Variants in EAPP observed in about 807,000 individuals in gnomAD.
The protein encoded by EAPP is E2F-associated phosphoprotein.
A neutral mutation model predicts 34.3 loss-of-function variants in EAPP; 38 were observed. That is an observed-to-expected ratio of 1.11 (90% CI 0.85 to 1.45). The LOEUF is 1.45. EAPP is among the 40% of genes most tolerant of loss of function. The probability of loss-of-function intolerance (pLI) is 0.00; values close to 1 mark genes in which losing one functional copy is unlikely to be tolerated. For synonymous variants in EAPP, 113 were observed against 117.6 expected, an observed-to-expected ratio of 0.96 and a Z score of 0.25; for missense variants, 338 against 343.7, an observed-to-expected ratio of 0.98 and a Z score of 0.13.
intron 3 of EAPP, among the ~76,000 whole-genome samples, chr14:34,530,904 CAAAAAAAAAAAA>C (rs780101001): frequency 3.6e-5 from 2 of 55,190 alleles, no homozygotes; most frequent in Non-Finnish European, 6.4e-5. Flanking sequence ...CAATCTTTAC[CAAAAAAAAAAAA>C]AAAAAAAAAA....
intron 3 of EAPP, 81 bp from the exon 4 acceptor site, chr14:34,529,556 A>G (rs1880212259): frequency 1.9e-6 from 2 of 1,041,462 alleles, no homozygotes; most frequent in East Asian, 4.8e-5. Context: ...TCATTTCCCA[A>G]GCTACACATT....
intron 3 of EAPP, among the ~76,000 whole-genome samples, chr14:34,532,551 G>C (rs953728083): frequency 6.6e-6 from 1 of 152,108 alleles, no homozygotes; most frequent in African/African-American, 2.4e-5. Flanking sequence ...AAACCTAAAG[G>C]AAGAGGGGGG....
rs778340198 is a variant in EAPP, at chr14:34,536,233, G to A, written c.117C>T (p.Asp39=). ...EVDVLLHGTP[D]QKRKLIRECL... Reference sequence around the variant, plus strand: ...ATTCTCTGATGAGTTTTCGTTTTTGGTCAGGAGTTCCATGTAAAAGCACAT... The same window carrying A: ...ATTCTCTGATGAGTTTTCGTTTTTGATCAGGAGTTCCATGTAAAAGCACAT... The change falls in exon 2 of 6, where the codon GAC becomes GAT. Residue 39 remains aspartate, a synonymous_variant. Transcript: ENST00000250454. 5.8e-5 allele frequency: 94 copies of A among 1,611,530 alleles called. No homozygotes were observed. Among genetic ancestry groups the A allele is most frequent in the Non-Finnish European group, 7.2e-5 (85 of 1,179,266 alleles).
chr14:34,529,093 G>A (rs1164381533), intron 4 of EAPP, among the ~76,000 whole-genome samples: 1 of 151,970 alleles, frequency 6.6e-6, no homozygotes, highest in Non-Finnish European at 1.5e-5. Context: ...CCAAGATCGC[G>A]CCACTGCACT....
At chr14:34,518,389 C>T (rs1594655611) in intron 5 of EAPP, among the ~76,000 whole-genome samples, 1 of 123,970 alleles carries the variant, frequency 8.1e-6, no homozygotes. Flanking sequence ...GGCTGCAGTG[C>T]AATAGCACGA....
intron 5 of EAPP, among the ~76,000 whole-genome samples, chr14:34,516,839 G>C (rs895420995): frequency 6.6e-6 from 1 of 152,080 alleles, no homozygotes; most frequent in Non-Finnish European, 1.5e-5. Context: ...TGGTAGCTGG[G>C]ATTACAGGCA....
At position 34,516,192 on chromosome 14, in the gene EAPP, T is replaced by C; in HGVS notation, c.*118A>G. On this transcript the variant is annotated 3_prime_UTR_variant, in exon 6 of 6. Transcript: ENST00000250454. Reference sequence around the variant, plus strand: ...ATGAAGGTTGACAACTATTCTCCTTTAAAAAGAGAAACACTGCTTCCTCAA... The same window carrying C: ...ATGAAGGTTGACAACTATTCTCCTTCAAAAAGAGAAACACTGCTTCCTCAA... 1 of 1,013,774 alleles carries C rather than the reference T, an allele frequency of 9.9e-7. No homozygotes were observed. The highest frequency in any genetic ancestry group is 1.4e-6 in the Non-Finnish European group (1 of 703,888). The allele number at this position is 1,013,774 out of a possible 1,614,324, so 62.8% of individuals were successfully genotyped here.
At chr14:34,518,376 C>T (rs1879807956) in intron 5 of EAPP, among the ~76,000 whole-genome samples, 1 of 133,920 alleles carries the variant, frequency 7.5e-6, no homozygotes, top group Admixed American at 8.2e-5. Context: ...ACTCTGTCAC[C>T]CAGGCTGCAG....
At chr14:34,522,049 C>G (rs183687910) in intron 5 of EAPP, among the ~76,000 whole-genome samples, 1 of 152,136 alleles carries the variant, frequency 6.6e-6, no homozygotes, top group South Asian at 2.1e-4. Flanking sequence ...GCCTCGACTT[C>G]CAGGGCTCAA....
At chr14:34,527,535 G>C (rs1001097995) in intron 4 of EAPP, among the ~76,000 whole-genome samples, 3 of 152,078 alleles carry the variant, frequency 2.0e-5, no homozygotes, top group Non-Finnish European at 4.4e-5. Flanking sequence ...GGGGGCAGAG[G>C]GTGTGGAAAC....
rs1879723186 is a variant in EAPP, at chr14:34,516,434, T to A, written c.734A>T (p.Lys245Met). 6.2e-7 allele frequency: 1 copy of A among 1,614,222 alleles called. No individual in the cohort carries two copies. The highest frequency in any genetic ancestry group is 8.5e-7 in the Non-Finnish European group (1 of 1,180,038). The part of the protein sequence containing the change: ...MRSNREDAAE[K>M]AETDVEEIYH... Reference sequence around the variant, plus strand: ...GATTTCTTCCACATCTGTCTCTGCCTTCTCGGCAGCATCTTCCCGGTTAGA... The same window carrying A: ...GATTTCTTCCACATCTGTCTCTGCCATCTCGGCAGCATCTTCCCGGTTAGA... Residue 245 changes from lysine to methionine, a missense_variant, in exon 6 of 6, where the codon AAG becomes ATG. Coordinates refer to ENST00000250454, the MANE Select transcript of EAPP (RefSeq NM_018453.4).
intron 5 of EAPP, among the ~76,000 whole-genome samples, chr14:34,522,214 C>T (rs915957305): frequency 5.3e-5 from 8 of 151,798 alleles, no homozygotes; most frequent in Non-Finnish European, 1.2e-4. Flanking sequence ...CCCAGCTTGG[C>T]CTCCCAAAGT....
At chr14:34,529,254 T>C in intron 4 of EAPP, 104 bp downstream of exon 4, 1 of 831,178 alleles carries the variant, frequency 1.2e-6, no homozygotes, top group Non-Finnish European at 1.9e-6. Flanking sequence ...TGTGTGTGTG[T>C]GTTTGTGTAA....
intron 3 of EAPP, among the ~76,000 whole-genome samples, chr14:34,530,151 G>T (rs1880235196): frequency 6.6e-6 from 1 of 151,364 alleles, no homozygotes; most frequent in South Asian, 2.1e-4. Flanking sequence ...GGTGAGCCGA[G>T]ATCACGCCAT....
intron 5 of EAPP, among the ~76,000 whole-genome samples, chr14:34,522,678 C>A (rs1879957102): frequency 6.6e-6 from 1 of 152,154 alleles, no homozygotes; most frequent in Admixed American, 6.6e-5. Context: ...GCACTTTAAG[C>A]CTCAGTTCTA....
At chr14:34,526,099 T>TC (rs1594662779) in intron 4 of EAPP, among the ~76,000 whole-genome samples, 1 of 151,348 alleles carries the variant, frequency 6.6e-6, no homozygotes. Context: ...AAAATAAAAG[T>TC]CCATGAATTT....
intron 2 of EAPP, among the ~76,000 whole-genome samples, 172 bp from the exon 3 acceptor site, chr14:34,533,711 T>A (rs1261770755): frequency 6.6e-6 from 1 of 152,200 alleles, no homozygotes; most frequent in African/African-American, 2.4e-5. Context: ...CCTATACAGT[T>A]ACAGAGAACT....
At chr14:34,517,411 G>C (rs1216386525) in intron 5 of EAPP, among the ~76,000 whole-genome samples, 1 of 151,666 alleles carries the variant, frequency 6.6e-6, no homozygotes, top group East Asian at 1.9e-4. Context: ...ACCACACCTG[G>C]CTAATTTTGT....
rs759086560 is a variant in EAPP at position 34,529,437 on chromosome 14, TC to T, written c.390del (p.Ile131PhefsTer49). 6.2e-7 allele frequency: 1 copy of T among 1,613,274 alleles called. No individual in the cohort carries two copies. The highest frequency in any genetic ancestry group is 1.1e-5 in the South Asian group (1 of 91,056). On this transcript the variant is annotated frameshift_variant, in exon 4 of 6. Coordinates refer to ENST00000250454, the MANE Select transcript of EAPP (RefSeq NM_018453.4). LOFTEE classifies it high-confidence loss of function. ...TACAGTAATTCGTCATTTGTTGGAA[TC>T]TTGTGTTGTTTCTTCTTTTTTTTCT... ...VTKKKKKKQH[K>X]IPTNDELLYD...
Sources: allele counts gnomAD v4.1 joint callset (sites outside exome capture counted in the v4.1 genomes callset), GRCh38; gene constraint gnomAD v4.1.1; transcripts MANE v1.5; gene names NCBI Gene and HGNC (gene_info 2026-07-23, HGNC 2026-07-21).